The following RBFOX3 variants were observed in gnomAD, a reference collection of about 807,000 sequenced individuals.
RBFOX3 encodes RNA binding protein fox-1 homolog 3.
In RBFOX3, 17 loss-of-function variants were observed where a neutral mutation model predicts 48.7. The ratio of observed to expected loss-of-function variants is 0.35; its 90% confidence interval spans 0.24 to 0.52. RBFOX3 has a LOEUF of 0.52. Ranked by LOEUF, RBFOX3 falls within the 20% of genes least tolerant of loss-of-function variation. The pLI is 0.94. For synonymous variants in RBFOX3, 212 were observed against 209.5 expected (o/e 1.01, Z -0.10); for missense variants, 382 against 497.5 (o/e 0.77, Z 2.21).
intron 2 of RBFOX3, among the ~76,000 whole-genome samples, chr17:79,388,656 A>G (rs1200256677): frequency 1.3e-5 from 2 of 152,150 alleles, no homozygotes; most frequent in African/African-American, 4.8e-5. Flanking sequence ...CTGCAGCAGC[A>G]CTACCCTCTA....
chr17:79,496,847 C>T lies in RBFOX3; in HGVS notation c.-319-14249G>A, dbSNP rs1343057341. On this transcript the variant is annotated intron_variant, in intron 1 of 14. Transcript: ENST00000693108. ...ATGCCGAAAGCCTGCCTGCCTCCCA[C>T]GGAGCTGGGAGCTCTTGAGGACAAT... Among the ~76,000 whole-genome samples, 24 of 152,314 alleles carry T rather than the reference C, an allele frequency of 1.6e-4. 1 individual carries two copies. Among genetic ancestry groups the T allele is most frequent in the South Asian group, 2.1e-4 (1 of 4,826 alleles).
rs1296894773 is a variant in RBFOX3 at position 79,471,209 on chromosome 17, G to C, written c.-175+11245C>G. On this transcript the variant is annotated intron_variant, in intron 2 of 14. Coordinates refer to ENST00000693108, the MANE Select transcript of RBFOX3 (RefSeq NM_001350451.2). The surrounding 1 kb of genome is among the most constrained non-coding windows in gnomAD (Gnocchi z 4.0). ...CTGGAAGAGGCCAGGACACACGAAG[G>C]GTCTCTCATGGGAAGCAGCCATCGT... Among the ~76,000 whole-genome samples the C allele has an allele frequency of 1.3e-5, 2 of 152,118 alleles. No individual in the cohort carries two copies. The highest frequency in any genetic ancestry group is 2.9e-5 in the Non-Finnish European group (2 of 68,022).
At chr17:79,579,435 T>C (rs1434494609) in intron 1 of RBFOX3, among the ~76,000 whole-genome samples, 1 of 152,198 alleles carries the variant, frequency 6.6e-6, no homozygotes, top group Admixed American at 6.5e-5. Context: ...TTTCCTTGGA[T>C]ACTCAGGAAG....
At chr17:79,493,800 G>C (rs1555773816) in intron 1 of RBFOX3, among the ~76,000 whole-genome samples, 2 of 152,188 alleles carry the variant, frequency 1.3e-5, no homozygotes, top group African/African-American at 4.8e-5. Context: ...TAAAAACCCT[G>C]AGTTTCACCT....
Position 79,473,707 on chromosome 17 carries a change from G to T in RBFOX3, c.-175+8747C>A, listed in dbSNP as rs1004632203. 5.0e-3 allele frequency among the ~76,000 whole-genome samples: 767 copies of T among 152,250 alleles called. 8 individuals are homozygous for T. The highest frequency in any genetic ancestry group is 0.018 in the African/African-American group (733 of 41,524). ...GTAATTCCAGCCATTACTCAGCAAT[G>T]CTCAGCAATGCAAGGTCACTCAGAA... On this transcript the variant is annotated intron_variant, in intron 2 of 14. Coordinates refer to ENST00000693108, the MANE Select transcript of RBFOX3 (RefSeq NM_001350451.2). The surrounding 1 kb of genome is among the most constrained non-coding windows in gnomAD (Gnocchi z 4.2).
chr17:79,397,495 A>ACCC (rs1568178152), intron 2 of RBFOX3, among the ~76,000 whole-genome samples: 58 of 141,574 alleles, frequency 4.1e-4, no homozygotes, highest in African/African-American at 1.1e-3. Context: ...TCCATCCCCA[A>ACCC]AAAAAAAAAA....
chr17:79,331,347 C>G (rs2080255763), intron 2 of RBFOX3, among the ~76,000 whole-genome samples: 2 of 152,196 alleles, frequency 1.3e-5, no homozygotes, highest in Admixed American at 6.5e-5. Flanking sequence ...CACTGCCTCT[C>G]CCCTGTCCCG....
At chr17:79,425,008 AG>A (rs2067108312) in intron 2 of RBFOX3, among the ~76,000 whole-genome samples, 1 of 152,048 alleles carries the variant, frequency 6.6e-6, no homozygotes, top group African/African-American at 2.4e-5. Flanking sequence ...AACATGTATC[AG>A]GTGACACTCA....
At chr17:79,560,544 C>A (rs1011661797) in intron 1 of RBFOX3, among the ~76,000 whole-genome samples, 1 of 152,146 alleles carries the variant, frequency 6.6e-6, no homozygotes, top group Non-Finnish European at 1.5e-5. Flanking sequence ...ACTGCCCACC[C>A]GACCATGGCG....
intron 4 of RBFOX3, among the ~76,000 whole-genome samples, chr17:79,117,341 C>T (rs911915721): frequency 2.6e-5 from 4 of 152,184 alleles, no homozygotes; most frequent in South Asian, 2.1e-4. Context: ...GTGGGCTTTG[C>T]GGTGGGGAGG....
rs931121622 is a variant in RBFOX3, at chr17:79,114,644, G to A, written c.222+850C>T. ...GAGCCGCCGGGGCGGTGCCACTCCC[G>A]GGCAGTGCAGAGAGCTCTGGCCTCC... On this transcript the variant is annotated intron_variant, in intron 5 of 14. Coordinates refer to ENST00000693108, the MANE Select transcript of RBFOX3 (RefSeq NM_001350451.2). 3.9e-5 allele frequency among the ~76,000 whole-genome samples: 6 copies of A among 152,338 alleles called. 1 individual carries two copies. The highest frequency in any genetic ancestry group is 9.6e-5 in the African/African-American group (4 of 41,576).
rs537299485 is a variant in RBFOX3, at chr17:79,428,311, C to T, written c.-175+54143G>A. 3.5e-3 allele frequency among the ~76,000 whole-genome samples: 535 copies of T among 152,282 alleles called. 5 individuals carry two copies. The highest frequency in any genetic ancestry group is 0.012 in the African/African-American group (506 of 41,558). ...GGAGGGCAGGTGCCATGGGGGAGCT[C>T]GCGGGGCAGGACGGTCTCCTGCAGA... On this transcript the variant is annotated intron_variant, in intron 2 of 14. Coordinates refer to ENST00000693108, the MANE Select transcript of RBFOX3 (RefSeq NM_001350451.2).
At chr17:79,478,563 C>T (rs1033433612) in intron 2 of RBFOX3, among the ~76,000 whole-genome samples, 1 of 152,228 alleles carries the variant, frequency 6.6e-6, no homozygotes, top group African/African-American at 2.4e-5. Context: ...AAGAGACAAC[C>T]GGCCACATTC....
chr17:79,530,217 G>A (rs2087511801), intron 1 of RBFOX3, among the ~76,000 whole-genome samples: 2 of 152,166 alleles, frequency 1.3e-5, no homozygotes, highest in African/African-American at 4.8e-5. Context: ...CGGAGAGAGT[G>A]GACTTTGCGG....
At chr17:79,626,389 C>G in the RBFOX3 span, among the ~76,000 whole-genome samples, 1 of 152,230 alleles carries the variant, frequency 6.6e-6, no homozygotes, top group Admixed American at 6.5e-5. Context: ...TGTCTCATCA[C>G]CTGTCTCAGC....
intron 4 of RBFOX3, among the ~76,000 whole-genome samples, chr17:79,229,702 C>T (rs145991472): frequency 1.7e-3 from 257 of 152,200 alleles, no homozygotes; most frequent in Non-Finnish European, 2.9e-3. Flanking sequence ...AATCCAAACC[C>T]GTGAAATCCA....
At chr17:79,228,798 G>A (rs749695596) in intron 4 of RBFOX3, among the ~76,000 whole-genome samples, 40 of 152,118 alleles carry the variant, frequency 2.6e-4, no homozygotes, top group Non-Finnish European at 4.3e-4. Context: ...TAACTGATGC[G>A]CTAGTCCAAA....
At chr17:79,618,486 G>T in the RBFOX3 span, among the ~76,000 whole-genome samples, 1 of 152,214 alleles carries the variant, frequency 6.6e-6, no homozygotes, top group Admixed American at 6.5e-5. Context: ...GCAACTCCAG[G>T]CAGTCCTGGG....
At chr17:79,454,299 C>T (rs1187938146) in intron 2 of RBFOX3, among the ~76,000 whole-genome samples, 1 of 152,140 alleles carries the variant, frequency 6.6e-6, no homozygotes, top group Non-Finnish European at 1.5e-5. Context: ...CCCCCAAATC[C>T]AGCTTCCAGG....
Sources: allele counts gnomAD v4.1 joint callset (sites outside exome capture counted in the v4.1 genomes callset), GRCh38; gene constraint gnomAD v4.1.1; non-coding constraint Gnocchi (gnomAD v3.1); transcripts MANE v1.5; gene names NCBI Gene and HGNC (gene_info 2026-07-23, HGNC 2026-07-21).